ATP11A: variants seen among roughly 807,000 people sequenced by gnomAD.
ATP11A encodes the protein ATPase phospholipid transporting 11A.
Under a neutral mutation model 154.4 loss-of-function variants are expected in ATP11A, and 81 were observed. The observed-to-expected ratio is 0.52, with a 90% CI of 0.44 to 0.63. The LOEUF (loss-of-function observed/expected upper bound fraction) is 0.63, where lower values mean the gene tolerates loss of function less well. Among genes scored for constraint, ATP11A ranks in the 30% least tolerant of loss-of-function variants. The probability of loss-of-function intolerance (pLI) is 0.00; values close to 1 mark genes in which losing one functional copy is unlikely to be tolerated. For synonymous variants in ATP11A, 623 were observed against 585.9 expected, an observed-to-expected ratio of 1.06 and a Z score of -0.91; for missense variants, 1,316 against 1,474.3, an observed-to-expected ratio of 0.89 and a Z score of 1.76.
At chr13:112,880,714 G>A in intron 29 of ATP11A, 1 of 1,240,638 alleles carries the variant, frequency 8.1e-7, no homozygotes, top group South Asian at 1.4e-5. Context: ...TTCCTCCAAA[G>A]TTGTGCTGTG....
chr13:112,713,706 T>C (rs901096840), intron 1 of ATP11A, among the ~76,000 whole-genome samples: 2 of 152,174 alleles, frequency 1.3e-5, no homozygotes, highest in African/African-American at 4.8e-5. Context: ...GATCACATTC[T>C]GGCCGTTTAA....
chr13:112,756,344 T>C (rs1274929595), intron 1 of ATP11A, among the ~76,000 whole-genome samples: 1 of 152,186 alleles, frequency 6.6e-6, no homozygotes, highest in Non-Finnish European at 1.5e-5. Context: ...GTGTTTTTCC[T>C]GGCAGTTCTT....
chr13:112,864,322 A>T (rs1438256398), intron 25 of ATP11A, among the ~76,000 whole-genome samples: 1 of 97,824 alleles, frequency 1.0e-5, no homozygotes, highest in Non-Finnish European at 2.1e-5. Context: ...GTCCATCACC[A>T]CATGGGCAGT....
At chr13:112,852,053 C>T (rs1232637178) in intron 18 of ATP11A, among the ~76,000 whole-genome samples, 1 of 152,186 alleles carries the variant, frequency 6.6e-6, no homozygotes, top group Non-Finnish European at 1.5e-5. Flanking sequence ...CCAGTGTGCC[C>T]CAGCTCCACA....
intron 16 of ATP11A, among the ~76,000 whole-genome samples, chr13:112,839,138 G>A (rs936975641): frequency 6.6e-5 from 10 of 152,170 alleles, no homozygotes; most frequent in African/African-American, 2.4e-4. Flanking sequence ...GGAAGTCACA[G>A]GCCACTCGGC....
intron 1 of ATP11A, among the ~76,000 whole-genome samples, chr13:112,734,167 G>A (rs994736389): frequency 1.3e-5 from 2 of 152,158 alleles, no homozygotes; most frequent in Non-Finnish European, 2.9e-5. Context: ...ATGAGGTTTT[G>A]TTTGAGAAAC....
At chr13:112,736,241 T>C (rs866178911) in intron 1 of ATP11A, among the ~76,000 whole-genome samples, 1 of 152,202 alleles carries the variant, frequency 6.6e-6, no homozygotes, top group Non-Finnish European at 1.5e-5. Flanking sequence ...ATCTATTTTT[T>C]CTTAGCTTCA....
chr13:112,764,196 C>A (rs2077023609), intron 1 of ATP11A, among the ~76,000 whole-genome samples: 1 of 152,186 alleles, frequency 6.6e-6, no homozygotes, highest in Admixed American at 6.5e-5. Flanking sequence ...CCTAGGCGTC[C>A]TGGCACGGTG....
intron 4 of ATP11A, among the ~76,000 whole-genome samples, chr13:112,806,857 C>T (rs2078335840): frequency 6.6e-6 from 1 of 152,192 alleles, no homozygotes; most frequent in Non-Finnish European, 1.5e-5. Context: ...GTAGAGTCGC[C>T]TATTCTAAAC....
chr13:112,777,453 A>G (rs1237809599), intron 1 of ATP11A, among the ~76,000 whole-genome samples: 2 of 152,158 alleles, frequency 1.3e-5, no homozygotes, highest in Non-Finnish European at 2.9e-5. Context: ...AATCCCAGCT[A>G]CTTGGGAGGC....
Position 112,885,662 on chromosome 13 carries a change from TACACACATGC to T in ATP11A, c.*3805_*3814del, listed in dbSNP as rs1291289856. On this transcript the variant is annotated 3_prime_UTR_variant, in exon 30 of 30. Transcript: ENST00000375645. ...ATGCGCAGGCTCCTGCAGGCGTGAA[TACACACATGC>T]ACACACATATACACACATGTGCCAC... is the stretch of plus-strand genomic sequence containing the variant. 6.6e-6 allele frequency: 1 copy of T among 152,304 alleles called. No homozygotes were observed. Among genetic ancestry groups the T allele is most frequent in the Non-Finnish European group, 1.5e-5 (1 of 68,086 alleles). 9.4% of individuals were successfully genotyped at this position (152,304 alleles called of 1,614,324 possible).
chr13:112,852,785 C>A (rs2317143), intron 18 of ATP11A, among the ~76,000 whole-genome samples: 1 of 131,020 alleles, frequency 7.6e-6, no homozygotes, highest in African/African-American at 3.3e-5. Flanking sequence ...GCCTGGTTGG[C>A]GGGGGGGGAT....
chr13:112,763,461 A>G (rs2139890192), intron 1 of ATP11A, among the ~76,000 whole-genome samples: 1 of 152,356 alleles, frequency 6.6e-6, no homozygotes, highest in East Asian at 1.9e-4. Context: ...GAGAGAAATT[A>G]TCTTACCTCA....
Position 112,724,244 on chromosome 13 carries a change from C to T in ATP11A, c.39+33789C>T, listed in dbSNP as rs1889566215. Among the ~76,000 whole-genome samples, 3 of 151,496 alleles carry T rather than the reference C, an allele frequency of 2.0e-5. No individual in the cohort carries two copies. The South Asian group carries it at 6.3e-4, about 32-fold the overall frequency. The stretch of plus-strand genomic sequence containing the variant: ...TGCATGCCCTGAGTTCAAGTGGACC[C>T]CACAGGTTATGGGCTCTGTCCCCCA... On this transcript the variant is annotated intron_variant, in intron 1 of 29. Transcript: ENST00000375645.
chr13:112,819,305 C>CG lies in ATP11A; in HGVS notation c.573dup (p.His192AlafsTer26). On this transcript the variant is annotated frameshift_variant and splice_region_variant, in exon 7 of 30. Transcript: ENST00000375645. LOFTEE classifies it high-confidence loss of function. ...CTCACATGTCTTGTGCATTTGTAGA[C>CG]GCATTACGCGGTCCAGGACACCAAA... The CG allele has an allele frequency of 6.2e-7, 1 of 1,613,944 alleles. No homozygotes were observed.
At chr13:112,808,979 G>A (rs1175793790) in intron 4 of ATP11A, among the ~76,000 whole-genome samples, 1 of 152,210 alleles carries the variant, frequency 6.6e-6, no homozygotes, top group Non-Finnish European at 1.5e-5. Flanking sequence ...TCTTCCCGCA[G>A]CCCGGGCGCT....
rs2080025703 is a variant in ATP11A at position 112,859,170 on chromosome 13, T to C, written c.2668-223T>C. The C allele has an allele frequency of 9.1e-6, 5 of 550,882 alleles. No homozygotes were observed. The South Asian group carries it at 1.0e-4, about 11-fold the overall frequency. The allele number at this position is 550,882 out of a possible 1,614,324, so 34.1% of individuals were successfully genotyped here. A position where few individuals can be genotyped will look rare whatever the true frequency, so the allele number is the denominator to read the frequency against. On this transcript the variant is annotated intron_variant, in intron 22 of 29. Coordinates refer to ENST00000375645, the MANE Select transcript of ATP11A (RefSeq NM_015205.3). This position sits in a 1 kb window ranked among gnomAD's most constrained non-coding sequence, Gnocchi z 4.3. ...TCTTGTTTCTCTTGGAGCTGACAAA[T>C]TTCCTCTATACGTTGTCTGTCCTGA...
chr13:112,773,101 G>A (rs2077264043), intron 1 of ATP11A, among the ~76,000 whole-genome samples: 1 of 152,126 alleles, frequency 6.6e-6, no homozygotes, highest in Non-Finnish European at 1.5e-5. Flanking sequence ...GCTGTGGCCT[G>A]TGAGGTGCTC....
intron 13 of ATP11A, 30 bp downstream of exon 13, chr13:112,831,578 G>A: frequency 1.2e-6 from 2 of 1,604,832 alleles, no homozygotes; most frequent in Non-Finnish European, 1.7e-6. Flanking sequence ...CCGTCCAAGT[G>A]TGTGAGTGAG....
Sources: gnomAD v4.1 joint callset for allele counts (sites outside exome capture counted in the v4.1 genomes callset) on GRCh38, gnomAD v4.1.1 for gene constraint, Gnocchi (gnomAD v3.1) non-coding constraint, MANE v1.5 for transcripts, NCBI Gene and HGNC (gene_info 2026-07-23, HGNC 2026-07-21) for gene names.